SEPTIN14: variants seen among roughly 807,000 people sequenced by gnomAD.
SEPTIN14 encodes septin 14.
SEPTIN14 carries 40 observed loss-of-function variants against 53.6 expected under a neutral mutation model. The ratio of observed to expected loss-of-function variants is 0.75; its 90% CI spans 0.58 to 0.97. SEPTIN14 has a LOEUF of 0.97. Ranked by LOEUF, SEPTIN14 falls within the 50% of genes least tolerant of loss-of-function variation. The pLI is 0.00. For missense variants in SEPTIN14, 471 were observed against 508.2 expected (o/e 0.93, Z 0.70); for synonymous variants, 138 against 166.8 (o/e 0.83, Z 1.33).
Position 55,794,372 on chromosome 7 carries a change from C to A in SEPTIN14, c.*1541G>T, listed in dbSNP as rs968955308. The A allele has an allele frequency of 6.6e-6, 1 of 152,178 alleles. No homozygotes were observed. Among genetic ancestry groups the A allele is most frequent in the Non-Finnish European group, 1.5e-5 (1 of 68,036 alleles). The allele number at this position is 152,178 out of a possible 1,614,324, so 9.4% of individuals were successfully genotyped here. Reference sequence around the variant, plus strand: ...CATGTTCAGAAGCAGTAAGAAGTTACATTAATTATCTTTTGAAAGTCAATA... The same window carrying A: ...CATGTTCAGAAGCAGTAAGAAGTTAAATTAATTATCTTTTGAAAGTCAATA... On this transcript the variant is annotated 3_prime_UTR_variant, in exon 10 of 10. Coordinates refer to ENST00000388975, the MANE Select transcript of SEPTIN14 (RefSeq NM_207366.3).
intron 5 of SEPTIN14, 121 bp from the exon 6 acceptor site, chr7:55,834,707 A>G (rs1789173424): frequency 1.5e-6 from 1 of 668,866 alleles, no homozygotes; most frequent in Admixed American, 3.2e-5. Context: ...CAGGGGCACG[A>G]TCTCGGCTCA....
rs59445168 is a variant in SEPTIN14 at position 55,799,518 on chromosome 7, CAAAAAA to C, written c.1120-3432_1120-3427del. ...AGGTGACAGAGCAAGACTCTTGTCT[CAAAAAA>C]AAAAAAAAAAAAAAAAAAGGAAAAA... On this transcript the variant is annotated intron_variant, in intron 9 of 9. Transcript: ENST00000388975. Among the ~76,000 whole-genome samples, 110 of 62,890 alleles carry C rather than the reference CAAAAAA, an allele frequency of 1.7e-3. 1 individual carries two copies. The highest frequency in any genetic ancestry group is 2.8e-3 in the African/African-American group (52 of 18,356). The allele number at this position is 62,890 out of a possible 152,430, so 41.3% of individuals were successfully genotyped here.
chr7:55,842,806 G>A (rs993718262), intron 5 of SEPTIN14, 136 bp downstream of exon 5: 31 of 453,496 alleles, frequency 6.8e-5, no homozygotes, highest in East Asian at 1.5e-4. Context: ...CCAGCTACTC[G>A]GGAGGCTGAA....
intron 6 of SEPTIN14, among the ~76,000 whole-genome samples, chr7:55,832,453 CAT>C (rs1789126657): frequency 6.6e-6 from 1 of 152,156 alleles, no homozygotes; most frequent in African/African-American, 2.4e-5. Flanking sequence ...CACTTTCACT[CAT>C]GTGTATTACA....
chr7:55,836,965 C>T (rs978470854), intron 5 of SEPTIN14, among the ~76,000 whole-genome samples: 17 of 152,176 alleles, frequency 1.1e-4, no homozygotes, highest in African/African-American at 3.6e-4. Flanking sequence ...CTCTCTTCAA[C>T]TAAATAAAGA....
intron 7 of SEPTIN14, chr7:55,810,926 A>C: frequency 2.7e-6 from 1 of 376,988 alleles, no homozygotes. Flanking sequence ...CAGTGATAGC[A>C]CAGCTTGACC....
chr7:55,801,657 T>C (rs184535972), intron 9 of SEPTIN14, among the ~76,000 whole-genome samples: 11 of 152,108 alleles, frequency 7.2e-5, no homozygotes, highest in African/African-American at 2.4e-5. Context: ...CAGTGGCTCA[T>C]GCCTGCAATC....
intron 2 of SEPTIN14, among the ~76,000 whole-genome samples, chr7:55,853,927 CAACATAGTGA>C (rs2116073823): frequency 1.3e-5 from 2 of 152,070 alleles, no homozygotes; most frequent in South Asian, 4.2e-4. Context: ...CCAATCTGGG[CAACATAGTGA>C]AACCCTGTCT....
intron 2 of SEPTIN14, among the ~76,000 whole-genome samples, chr7:55,852,127 G>A (rs1789527518): frequency 7.1e-6 from 1 of 140,660 alleles, no homozygotes; most frequent in Non-Finnish European, 1.5e-5. Flanking sequence ...GGGCAACAGA[G>A]TGAGACTCTG....
At chr7:55,823,279 C>A (rs1349817760) in intron 6 of SEPTIN14, among the ~76,000 whole-genome samples, 1 of 152,074 alleles carries the variant, frequency 6.6e-6, no homozygotes, top group African/African-American at 2.4e-5. Context: ...TTGTTTTAAC[C>A]TTTTTGCATA....
At chr7:55,830,349 A>ATATATATATATTTTTTT (rs71015108) in intron 6 of SEPTIN14, among the ~76,000 whole-genome samples, 1 of 56,856 alleles carries the variant, frequency 1.8e-5, no homozygotes. Flanking sequence ...ATATATATAT[A>ATATATATATATTTTTTT]TTTTTTTTTT....
intron 7 of SEPTIN14, among the ~76,000 whole-genome samples, chr7:55,809,669 T>G (rs1328571559): frequency 6.6e-6 from 1 of 151,022 alleles, no homozygotes; most frequent in Non-Finnish European, 1.5e-5. Context: ...ACTATGCTAA[T>G]TATCTCTGTG....
intron 2 of SEPTIN14, among the ~76,000 whole-genome samples, chr7:55,849,701 G>A (rs1231416700): frequency 1.3e-5 from 2 of 151,852 alleles, no homozygotes; most frequent in Non-Finnish European, 2.9e-5. Context: ...AGCCGAGATC[G>A]CACCACTGCA....
intron 8 of SEPTIN14, among the ~76,000 whole-genome samples, chr7:55,806,624 G>A (rs1424067694): frequency 5.3e-5 from 8 of 150,458 alleles, no homozygotes; most frequent in Admixed American, 1.3e-4. Flanking sequence ...CACCATGCCC[G>A]GCTACTTTTT....
chr7:55,796,850 C>T (rs540150886), intron 9 of SEPTIN14, among the ~76,000 whole-genome samples: 43 of 152,106 alleles, frequency 2.8e-4, no homozygotes, highest in Non-Finnish European at 4.4e-4. Flanking sequence ...GAAGGCTGGG[C>T]GTGGTGGCTC....
intron 2 of SEPTIN14, among the ~76,000 whole-genome samples, chr7:55,849,902 T>C (rs1298392629): frequency 6.6e-6 from 1 of 152,136 alleles, no homozygotes; most frequent in African/African-American, 2.4e-5. Flanking sequence ...AATAACTCTT[T>C]TGCCAACAAA....
rs200714779 is a variant in SEPTIN14 at position 55,824,807 on chromosome 7, A to ATT, written c.721-5586_721-5585dup. Among the ~76,000 whole-genome samples the ATT allele has an allele frequency of 4.6e-4, 68 of 149,032 alleles. 1 individual carries two copies. Among genetic ancestry groups the ATT allele is most frequent in the South Asian group, 3.4e-3 (16 of 4,682 alleles). ...TCCATCTCAAAAAAACAAACAAACAATTTTTTTTTTTAATTTCCAAAATCC... is the reference window on the plus strand; with the variant it reads ...TCCATCTCAAAAAAACAAACAAACAATTTTTTTTTTTTTAATTTCCAAAATCC... On this transcript the variant is annotated intron_variant, in intron 6 of 9. Transcript: ENST00000388975.
At chr7:55,855,628 TCA>T (rs1789609679) in intron 2 of SEPTIN14, among the ~76,000 whole-genome samples, 1 of 152,200 alleles carries the variant, frequency 6.6e-6, no homozygotes, top group Admixed American at 6.5e-5. Context: ...CGATCTCGGC[TCA>T]CTGCAACTTC....
At chr7:55,818,580 T>G (rs879764493) in intron 7 of SEPTIN14, among the ~76,000 whole-genome samples, 7 of 152,084 alleles carry the variant, frequency 4.6e-5, no homozygotes, top group Non-Finnish European at 8.8e-5. Flanking sequence ...AATAAATTAC[T>G]GCTTACTACA....
Sources: allele counts gnomAD v4.1 joint callset (sites outside exome capture counted in the v4.1 genomes callset), GRCh38; gene constraint gnomAD v4.1.1; transcripts MANE v1.5; gene names NCBI Gene and HGNC (gene_info 2026-07-23, HGNC 2026-07-21).